The following SHISA9 variants were observed in gnomAD, a reference collection of about 807,000 sequenced individuals.
The protein encoded by SHISA9 is protein shisa-9.
In SHISA9, 13 loss-of-function variants were observed where a neutral mutation model predicts 38.0. That is an observed-to-expected ratio of 0.34 (90% CI 0.22 to 0.54). The LOEUF (loss-of-function observed/expected upper bound fraction) is 0.54. Ranked by LOEUF, SHISA9 falls within the 20% of genes least tolerant of loss-of-function variation. SHISA9 has a pLI of 0.91. For synonymous variants in SHISA9, 275 were observed against 242.0 expected (o/e 1.14, Z -1.27); for missense variants, 538 against 575.8 (o/e 0.93, Z 0.67).
chr16:13,239,809 CT>C lies in SHISA9; in HGVS notation c.*4404del, dbSNP rs973784072. On this transcript the variant is annotated 3_prime_UTR_variant, in exon 5 of 5. Transcript: ENST00000558583. ...TGCCTGTTCACTCTGATGGTAGTTTCTTTTGCTGTGCAGAAGCTCTTTAGTT... is the reference window on the plus strand; with the variant it reads ...TGCCTGTTCACTCTGATGGTAGTTTCTTTGCTGTGCAGAAGCTCTTTAGTT... The C allele has an allele frequency of 2.6e-4, 39 of 152,116 alleles. No individual in the cohort carries two copies. Among genetic ancestry groups the C allele is most frequent in the African/African-American group, 8.4e-4 (35 of 41,514 alleles). The allele number at this position is 152,116 out of a possible 1,614,324, so 9.4% of individuals were successfully genotyped here. A position where few individuals can be genotyped will look rare whatever the true frequency, so the allele number is the denominator to read the frequency against.
At chr16:13,145,542 C>T (rs534296477) in intron 2 of SHISA9, among the ~76,000 whole-genome samples, 1 of 151,948 alleles carries the variant, frequency 6.6e-6, no homozygotes, top group Non-Finnish European at 1.5e-5. Flanking sequence ...ACAACAACAA[C>T]AAAAAAAGGT....
chr16:12,955,743 T>C (rs1254125357), intron 2 of SHISA9, among the ~76,000 whole-genome samples: 1 of 151,946 alleles, frequency 6.6e-6, no homozygotes, highest in African/African-American at 2.4e-5. Context: ...TCTCACCATA[T>C]GCAAAAATTA....
chr16:13,118,112 G>T (rs933590515), intron 2 of SHISA9, among the ~76,000 whole-genome samples: 2 of 151,878 alleles, frequency 1.3e-5, no homozygotes, highest in Non-Finnish European at 2.9e-5. Flanking sequence ...AACCTGGGAG[G>T]CGGAGGTTGC....
At chr16:13,366,373 T>C in the SHISA9 span, among the ~76,000 whole-genome samples, 2 of 152,208 alleles carry the variant, frequency 1.3e-5, no homozygotes, top group Non-Finnish European at 2.9e-5. Context: ...TCATTTACAG[T>C]GTCAATATTT....
At chr16:13,122,575 A>G (rs2050221473) in intron 2 of SHISA9, among the ~76,000 whole-genome samples, 1 of 152,068 alleles carries the variant, frequency 6.6e-6, no homozygotes, top group South Asian at 2.1e-4. Context: ...GAGTTATTCA[A>G]CCCCAGTTTT....
At chr16:13,112,600 C>G (rs933703358) in intron 2 of SHISA9, among the ~76,000 whole-genome samples, 1 of 151,986 alleles carries the variant, frequency 6.6e-6, no homozygotes, top group African/African-American at 2.4e-5. Flanking sequence ...TATACAATAC[C>G]TCTCATTGAG....
intron 2 of SHISA9, among the ~76,000 whole-genome samples, chr16:13,089,101 T>C (rs1459557479): frequency 6.6e-6 from 1 of 152,246 alleles, no homozygotes; most frequent in Non-Finnish European, 1.5e-5. Context: ...GTTGATATGA[T>C]GGATTACGTT....
intron 2 of SHISA9, among the ~76,000 whole-genome samples, chr16:12,981,798 C>T (rs1008806623): frequency 6.6e-5 from 10 of 152,022 alleles, no homozygotes; most frequent in African/African-American, 2.4e-4. Flanking sequence ...CCCCATATGA[C>T]TGGTATCCTT....
rs1393300548 is a variant in SHISA9 at position 12,908,628 on chromosome 16, C to T, written c.563+6001C>T. The T allele has an allele frequency of 1.9e-6, 3 of 1,550,710 alleles. No homozygotes were observed. The South Asian group carries it at 3.6e-5, about 18-fold the overall frequency. On this transcript the variant is annotated intron_variant, in intron 1 of 4. Transcript: ENST00000558583. ...AGGCTGCACTGCGTTTGAGTGCAAA[C>T]CTGCAGGAATTCCAGACTTCTCAGA...
At chr16:13,173,881 G>A (rs367615208) in intron 2 of SHISA9, among the ~76,000 whole-genome samples, 2 of 152,160 alleles carry the variant, frequency 1.3e-5, no homozygotes, top group East Asian at 1.9e-4. Context: ...TTCAGGGAGG[G>A]CTTCCTGGAG....
chr16:13,010,000 G>A (rs1168499888), intron 2 of SHISA9, among the ~76,000 whole-genome samples: 1 of 152,004 alleles, frequency 6.6e-6, no homozygotes, highest in Non-Finnish European at 1.5e-5. Context: ...AATATAGAGA[G>A]ATCCAGCTCT....
chr16:13,442,025 A>G, the SHISA9 span, among the ~76,000 whole-genome samples: 1 of 152,236 alleles, frequency 6.6e-6, no homozygotes, highest in Non-Finnish European at 1.5e-5. Flanking sequence ...AAAGTGATGG[A>G]GCTTCTTAGA....
chr16:13,238,815 T>TTTATTATTATTATTA lies in SHISA9; in HGVS notation c.*3429_*3443dup, dbSNP rs71147792. 3.7e-5 allele frequency: 5 copies of TTTATTATTATTATTA among 136,148 alleles called. No individual in the cohort carries two copies. Among genetic ancestry groups the TTTATTATTATTATTA allele is most frequent in the East Asian group, 2.1e-4 (1 of 4,666 alleles). 8.4% of individuals were successfully genotyped at this position (136,148 alleles called of 1,614,324 possible). On this transcript the variant is annotated 3_prime_UTR_variant, in exon 5 of 5. Transcript: ENST00000558583. ...TTTTTTTTAATGTATCCATGGAGTA[T>TTTATTATTATTATTA]TTATTATTATTATTATTATTATTAT...
the SHISA9 span, among the ~76,000 whole-genome samples, chr16:13,497,163 CAAAT>C: frequency 6.6e-6 from 1 of 151,792 alleles, no homozygotes; most frequent in Non-Finnish European, 1.5e-5. Context: ...TTTTAATTGA[CAAAT>C]AATAATTGTA....
chr16:12,969,085 G>A (rs1412130414), intron 2 of SHISA9, among the ~76,000 whole-genome samples: 3 of 151,600 alleles, frequency 2.0e-5, no homozygotes, highest in Non-Finnish European at 4.4e-5. Context: ...TGAACCTAGG[G>A]GGCAAAGGTT....
chr16:13,269,846 G>T, the SHISA9 span, among the ~76,000 whole-genome samples: 4 of 152,172 alleles, frequency 2.6e-5, no homozygotes, highest in Non-Finnish European at 5.9e-5. Flanking sequence ...ATAAATAGGG[G>T]ATCTGGGATT....
chr16:13,267,265 G>C, the SHISA9 span, among the ~76,000 whole-genome samples: 1 of 152,060 alleles, frequency 6.6e-6, no homozygotes, highest in South Asian at 2.1e-4. Flanking sequence ...TCACAAGGAG[G>C]AATCAAAATG....
chr16:13,441,253 T>C, the SHISA9 span, among the ~76,000 whole-genome samples: 1 of 152,198 alleles, frequency 6.6e-6, no homozygotes, highest in Non-Finnish European at 1.5e-5. Flanking sequence ...TGAAAATGCT[T>C]AAACCTGCCA....
intron 2 of SHISA9, among the ~76,000 whole-genome samples, chr16:12,935,119 G>A (rs542858182): frequency 6.6e-6 from 1 of 152,268 alleles, no homozygotes; most frequent in Non-Finnish European, 1.5e-5. Flanking sequence ...GGAAGGACAG[G>A]GGCTTTGAGT....
Sources: allele counts gnomAD v4.1 joint callset (sites outside exome capture counted in the v4.1 genomes callset), GRCh38; gene constraint gnomAD v4.1.1; transcripts MANE v1.5; gene names NCBI Gene and HGNC (gene_info 2026-07-23, HGNC 2026-07-21).